YARS1: variants seen among roughly 807,000 people sequenced by gnomAD.
YARS1 encodes the protein tyrosyl-tRNA synthetase 1, also known as tyrosine--tRNA ligase, cytoplasmic.
YARS1 carries 36 observed loss-of-function variants against 62.2 expected under a neutral mutation model. That is an observed-to-expected ratio of 0.58 (90% CI 0.44 to 0.76). YARS1 has a LOEUF of 0.76. Ranked by LOEUF, YARS1 falls within the 30% of genes least tolerant of loss-of-function variation. YARS1 has a pLI of 0.00. For synonymous variants in YARS1, 234 were observed against 244.9 expected (o/e 0.96, Z 0.42); for missense variants, 524 against 639.8 (o/e 0.82, Z 1.95).
intron 6 of YARS1, among the ~76,000 whole-genome samples, chr1:32,790,068 G>T (rs561176510): frequency 2.7e-5 from 4 of 149,376 alleles, no homozygotes; most frequent in Admixed American, 2.7e-4. Flanking sequence ...ACTTTTAGTA[G>T]AGATGGGGTT....
At chr1:32,816,920 G>C (rs916969006) in intron 1 of YARS1, 1 of 590,664 alleles carries the variant, frequency 1.7e-6, no homozygotes, top group African/African-American at 1.9e-5. Context: ...ACTTAATAGG[G>C]GGGTGGAATG....
chr1:32,797,604 G>T, intron 5 of YARS1, 159 bp downstream of exon 5: 1 of 695,810 alleles, frequency 1.4e-6, no homozygotes, highest in Non-Finnish European at 2.6e-6. Context: ...TGTGATATTG[G>T]ACAACTTCTT....
chr1:32,806,132 A>G (rs1175361652), intron 4 of YARS1, among the ~76,000 whole-genome samples: 1 of 152,184 alleles, frequency 6.6e-6, no homozygotes, highest in Non-Finnish European at 1.5e-5. Context: ...AACACACACA[A>G]TACTTATTAA....
rs973164509 is a variant in YARS1 at position 32,776,853 on chromosome 1, G to A, written c.1477-762C>T. ...TGGTGGTGGGGCGCCTGTAGTCCCA[G>A]CTACTCAGAAGGCTGAGGCAGGAGA... On this transcript the variant is annotated intron_variant, in intron 12 of 12. Transcript: ENST00000373477. This position sits in a 1 kb window ranked among gnomAD's most constrained non-coding sequence, Gnocchi z 4.0. 6.6e-6 allele frequency among the ~76,000 whole-genome samples: 1 copy of A among 151,950 alleles called. No homozygotes were observed. Among genetic ancestry groups the A allele is most frequent in the Non-Finnish European group, 1.5e-5 (1 of 68,008 alleles).
intron 3 of YARS1, among the ~76,000 whole-genome samples, chr1:32,807,193 C>T (rs1395530108): frequency 6.6e-6 from 1 of 152,194 alleles, no homozygotes; most frequent in Non-Finnish European, 1.5e-5. Flanking sequence ...CCAAGTCTCC[C>T]TTTAAAAACA....
At chr1:32,801,284 A>G (rs902302010) in intron 4 of YARS1, among the ~76,000 whole-genome samples, 1 of 152,084 alleles carries the variant, frequency 6.6e-6, no homozygotes, top group Non-Finnish European at 1.5e-5. Flanking sequence ...CTGTGGGTTC[A>G]GTTCCAGACA....
intron 4 of YARS1, among the ~76,000 whole-genome samples, chr1:32,804,430 C>A (rs1372491248): frequency 4.6e-5 from 7 of 151,920 alleles, no homozygotes; most frequent in African/African-American, 1.7e-4. Context: ...CCCCCCACCT[C>A]CCGGACGGGG....
chr1:32,806,533 T>C lies in YARS1; in HGVS notation c.459A>G (p.Val153=). The C allele has an allele frequency of 6.2e-7, 1 of 1,614,170 alleles. No homozygotes were observed. Among genetic ancestry groups the C allele is most frequent in the Non-Finnish European group, 8.5e-7 (1 of 1,180,028 alleles). ...TCAGCAAAGGGTGCTCCACCTGCTTTACCACCTCAGCTCCAGCCTTCTTGG... is the reference window on the plus strand; with the variant it reads ...TCAGCAAAGGGTGCTCCACCTGCTTCACCACCTCAGCTCCAGCCTTCTTGG... ...HDSKKAGAEV[V]KQVEHPLLSG... The change falls in exon 4 of 13, where the codon GTA becomes GTG. Residue 153 remains valine (V), a synonymous_variant. Coordinates refer to ENST00000373477, the MANE Select transcript of YARS1 (RefSeq NM_003680.4).
chr1:32,809,738 T>A (rs12406682), intron 3 of YARS1, among the ~76,000 whole-genome samples: 1 of 152,076 alleles, frequency 6.6e-6, no homozygotes, highest in Non-Finnish European at 1.5e-5. Context: ...CTTTAAAAAG[T>A]TGTTCTAAGG....
Position 32,806,630 on chromosome 1 carries a change from G to A in YARS1, c.381-19C>T. 1 of 1,614,100 alleles carries A rather than the reference G, an allele frequency of 6.2e-7. No individual in the cohort carries two copies. Among genetic ancestry groups the A allele is most frequent in the Non-Finnish European group, 8.5e-7 (1 of 1,180,016 alleles). On this transcript the variant is annotated intron_variant, in intron 3 of 12. Coordinates refer to ENST00000373477, the MANE Select transcript of YARS1 (RefSeq NM_003680.4). ...GTACTCTCTGAAGAGGAAAGGAAGA[G>A]GGGACAGCTGTAAACCTGGGCCTAG...
chr1:32,788,023 T>C (rs764501360), intron 6 of YARS1, among the ~76,000 whole-genome samples: 6 of 152,056 alleles, frequency 3.9e-5, no homozygotes, highest in Non-Finnish European at 8.8e-5. Flanking sequence ...GGCAGGAGGA[T>C]CACTTGAGCC....
chr1:32,811,157 C>T, intron 1 of YARS1, 100 bp from the exon 2 acceptor site: 1 of 1,571,674 alleles, frequency 6.4e-7, no homozygotes, highest in South Asian at 1.1e-5. Flanking sequence ...AGTGGAGATC[C>T]AGGCTCAGAG....
chr1:32,796,651 C>T (rs974507783), intron 5 of YARS1, among the ~76,000 whole-genome samples: 3 of 151,830 alleles, frequency 2.0e-5, no homozygotes, highest in African/African-American at 7.3e-5. Context: ...GCATGAGCCA[C>T]AGTGCCTGGC....
chr1:32,802,722 G>A (rs540238269), intron 4 of YARS1, among the ~76,000 whole-genome samples: 78 of 152,240 alleles, frequency 5.1e-4, no homozygotes, highest in Non-Finnish European at 9.4e-4. Context: ...TCTCAAAAGT[G>A]GGCTTAAAAT....
At chr1:32,815,267 T>G (rs1638680738) in intron 1 of YARS1, among the ~76,000 whole-genome samples, 1 of 152,136 alleles carries the variant, frequency 6.6e-6, no homozygotes, top group African/African-American at 2.4e-5. Context: ...GAGAATCACT[T>G]GAGCCCAGGA....
At chr1:32,782,381 G>T in intron 9 of YARS1, 23 bp downstream of exon 9, 5 of 1,613,816 alleles carry the variant, frequency 3.1e-6, no homozygotes, top group Non-Finnish European at 4.2e-6. Flanking sequence ...TGATGATGTC[G>T]GCCCCTCTCC....
rs1422838478 is a variant in YARS1 at position 32,779,498 on chromosome 1, G to A, written c.1360C>T (p.Pro454Ser). 3.1e-6 allele frequency: 5 copies of A among 1,614,092 alleles called. No homozygotes were observed. Among genetic ancestry groups the A allele is most frequent in the Admixed American group, 1.7e-5 (1 of 60,004 alleles). ...GCAGAGCCTGCCGGAGGGTCCAGAGGTTCAACCTGGCGGTTTATCCCTTCT... is the reference window on the plus strand; with the variant it reads ...GCAGAGCCTGCCGGAGGGTCCAGAGATTCAACCTGGCGGTTTATCCCTTCT... ...SIEGINRQVE[P>S]LDPPAGSAPG... Residue 454 changes from proline to serine, a missense_variant, in exon 12 of 13, where the codon CCT becomes TCT. Coordinates refer to ENST00000373477, the MANE Select transcript of YARS1 (RefSeq NM_003680.4).
intron 3 of YARS1, among the ~76,000 whole-genome samples, chr1:32,809,032 C>A (rs538189313): frequency 1.3e-5 from 2 of 152,014 alleles, no homozygotes; most frequent in Non-Finnish European, 2.9e-5. Flanking sequence ...AGGTACTCTA[C>A]GAAGGCTGTA....
chr1:32,800,188 G>A (rs1172938778), intron 4 of YARS1, among the ~76,000 whole-genome samples: 1 of 151,698 alleles, frequency 6.6e-6, no homozygotes, highest in African/African-American at 2.4e-5. Flanking sequence ...CACCATGTTG[G>A]TCAGGCTGGT....
Sources: allele counts gnomAD v4.1 joint callset (sites outside exome capture counted in the v4.1 genomes callset), GRCh38; gene constraint gnomAD v4.1.1; non-coding constraint Gnocchi (gnomAD v3.1); transcripts MANE v1.5; gene names NCBI Gene and HGNC (gene_info 2026-07-23, HGNC 2026-07-21).